The following KDM4C variants were observed in gnomAD, a reference collection of about 807,000 sequenced individuals.
KDM4C encodes lysine demethylase 4C.
KDM4C carries 81 observed loss-of-function variants against 129.3 expected under a neutral mutation model. That is an observed-to-expected ratio of 0.63 (90% CI 0.52 to 0.75). KDM4C has a LOEUF of 0.75. KDM4C is among the 30% of genes least tolerant of loss of function. The probability of loss-of-function intolerance (pLI) is 0.00; values close to 1 mark genes in which losing one functional copy is unlikely to be tolerated. For missense variants in KDM4C, 1,457 were observed against 1,304.0 expected, an observed-to-expected ratio of 1.12 and a Z score of -1.81; for synonymous variants, 573 against 456.1, an observed-to-expected ratio of 1.26 and a Z score of -3.26.
At chr9:7,125,453 G>C (rs1283660013) in intron 18 of KDM4C, among the ~76,000 whole-genome samples, 1 of 152,198 alleles carries the variant, frequency 6.6e-6, no homozygotes, top group Non-Finnish European at 1.5e-5. Flanking sequence ...TTGTGTATTT[G>C]ACTCTCCAAC....
chr9:6,962,756 A>G (rs1032955309), intron 8 of KDM4C, among the ~76,000 whole-genome samples: 18 of 152,176 alleles, frequency 1.2e-4, no homozygotes, highest in Middle Eastern at 3.2e-3. Context: ...TATAATACTT[A>G]AATGCATTTA....
intron 4 of KDM4C, chr9:6,834,780 C>T: frequency 3.1e-6 from 4 of 1,274,750 alleles, no homozygotes; most frequent in Admixed American, 1.7e-5. Context: ...ACCGAGGCCC[C>T]CCTGAACCCC....
At chr9:6,772,689 T>G (rs1337269057) in intron 1 of KDM4C, among the ~76,000 whole-genome samples, 1 of 147,160 alleles carries the variant, frequency 6.8e-6, no homozygotes, top group African/African-American at 2.5e-5. Context: ...TTTTTTTCTT[T>G]TACTTTTTTT....
intron 2 of KDM4C, among the ~76,000 whole-genome samples, chr9:6,793,815 T>C (rs1827224956): frequency 6.6e-6 from 1 of 152,182 alleles, no homozygotes; most frequent in Admixed American, 6.5e-5. Flanking sequence ...AGTGCGGGGA[T>C]TAAAGGCGTG....
chr9:6,828,558 C>A (rs547867675), intron 4 of KDM4C, among the ~76,000 whole-genome samples: 2 of 145,806 alleles, frequency 1.4e-5, no homozygotes, highest in African/African-American at 2.8e-5. Context: ...GTCTGATCTT[C>A]TGTCAGACAT....
intron 17 of KDM4C, among the ~76,000 whole-genome samples, chr9:7,074,342 A>G (rs1833617881): frequency 6.6e-6 from 1 of 151,880 alleles, no homozygotes; most frequent in African/African-American, 2.4e-5. Flanking sequence ...TTTTTTGTAT[A>G]TTTTAGTAGA....
At chr9:7,044,539 A>C (rs968080346) in intron 15 of KDM4C, among the ~76,000 whole-genome samples, 1 of 152,016 alleles carries the variant, frequency 6.6e-6, no homozygotes, top group Non-Finnish European at 1.5e-5. Flanking sequence ...TGGGATTGAC[A>C]GAACTCAGTT....
chr9:6,749,068 G>A (rs1408442889), intron 1 of KDM4C: 2 of 515,246 alleles, frequency 3.9e-6, no homozygotes, highest in African/African-American at 2.0e-5. Flanking sequence ...TGCCCAGGCT[G>A]GAGTGCAATG....
chr9:7,081,980 TG>T (rs1834573838), intron 17 of KDM4C, among the ~76,000 whole-genome samples: 1 of 152,150 alleles, frequency 6.6e-6, no homozygotes, highest in African/African-American at 2.4e-5. Flanking sequence ...GGTGTTTTGG[TG>T]GTCGATATCT....
chr9:6,914,228 A>C (rs1043864441), intron 8 of KDM4C, among the ~76,000 whole-genome samples: 2 of 151,768 alleles, frequency 1.3e-5, no homozygotes, highest in African/African-American at 4.8e-5. Context: ...TTCAGTTAAT[A>C]TTGTATTTTT....
intron 17 of KDM4C, among the ~76,000 whole-genome samples, chr9:7,052,906 C>CGAGCGAGT (rs1564049883): frequency 2.1e-5 from 1 of 47,886 alleles, no homozygotes; most frequent in African/African-American, 5.5e-5. Flanking sequence ...AGAGAGCGAG[C>CGAGCGAGT]GAGTGCCCAA....
intron 8 of KDM4C, among the ~76,000 whole-genome samples, chr9:6,980,385 G>T (rs1020464449): frequency 1.3e-5 from 2 of 152,138 alleles, no homozygotes; most frequent in East Asian, 3.8e-4. Context: ...ATTGGATGTT[G>T]TATGTGATGT....
At chr9:6,985,064 C>A (rs1020221186) in intron 10 of KDM4C, among the ~76,000 whole-genome samples, 6 of 152,148 alleles carry the variant, frequency 3.9e-5, no homozygotes, top group Non-Finnish European at 5.9e-5. Flanking sequence ...GGGATTCCCC[C>A]CTCCGCCAGA....
chr9:6,952,409 G>T (rs1217745134), intron 8 of KDM4C, among the ~76,000 whole-genome samples: 1 of 116,240 alleles, frequency 8.6e-6, no homozygotes, highest in Non-Finnish European at 1.9e-5. Flanking sequence ...GTGTGTATGT[G>T]TGTATATATA....
chr9:7,093,585 T>TTG (rs1836065682), intron 17 of KDM4C, among the ~76,000 whole-genome samples: 2 of 152,164 alleles, frequency 1.3e-5, no homozygotes, highest in East Asian at 3.8e-4. Flanking sequence ...CTGGGTTTTT[T>TTG]TGTGTGTGTG....
At chr9:6,835,634 A>C in intron 4 of KDM4C, 1 of 802,652 alleles carries the variant, frequency 1.2e-6, no homozygotes, top group Admixed American at 1.8e-5. Context: ...ACTTGTGCAG[A>C]AAACAAGATG....
chr9:7,015,717 T>A (rs996662404), intron 14 of KDM4C, 136 bp from the exon 15 acceptor site: 85 of 469,288 alleles, frequency 1.8e-4, no homozygotes, highest in Non-Finnish European at 3.0e-4. Context: ...ACCTTGCTTA[T>A]GTTTTGTTCT....
intron 19 of KDM4C, among the ~76,000 whole-genome samples, chr9:7,139,771 T>A (rs1841559342): frequency 6.6e-6 from 1 of 152,236 alleles, no homozygotes; most frequent in Admixed American, 6.5e-5. Flanking sequence ...TGGAACTTTA[T>A]CTCATATCAT....
At chr9:6,884,661 G>A (rs1844983498) in intron 6 of KDM4C, among the ~76,000 whole-genome samples, 1 of 151,924 alleles carries the variant, frequency 6.6e-6, no homozygotes, top group African/African-American at 2.4e-5. Context: ...TTTGTTTCTT[G>A]TCTTTCTCTC....
Sources: gnomAD v4.1 joint callset for allele counts (sites outside exome capture counted in the v4.1 genomes callset) on GRCh38, gnomAD v4.1.1 for gene constraint, MANE v1.5 for transcripts, NCBI Gene and HGNC (gene_info 2026-07-23, HGNC 2026-07-21) for gene names.